CNNM1: variants seen among roughly 807,000 people sequenced by gnomAD.
CNNM1 encodes the protein cyclin and CBS domain divalent metal cation transport mediator 1, also known as metal transporter CNNM1.
A neutral mutation model predicts 78.8 loss-of-function variants in CNNM1; 44 were observed. The ratio of observed to expected loss-of-function variants is 0.56; its 90% CI spans 0.44 to 0.72. CNNM1 has a LOEUF of 0.72. Among genes scored for constraint, CNNM1 ranks in the 30% least tolerant of loss-of-function variants. The probability of loss-of-function intolerance (pLI) is 0.00; values close to 1 mark genes in which losing one functional copy is unlikely to be tolerated. For synonymous variants in CNNM1, 584 were observed against 581.5 expected, an observed-to-expected ratio of 1.00 and a Z score of -0.06; for missense variants, 1,101 against 1,292.2, an observed-to-expected ratio of 0.85 and a Z score of 2.27.
chr10:99,384,253 A>G (rs2032241953), intron 7 of CNNM1, among the ~76,000 whole-genome samples: 1 of 152,220 alleles, frequency 6.6e-6, no homozygotes, highest in Admixed American at 6.5e-5. Flanking sequence ...TGGGAGAGGC[A>G]GAGCAGAGTT....
intron 6 of CNNM1, among the ~76,000 whole-genome samples, chr10:99,370,545 A>T (rs1892511): frequency 0.9 from 137,014 of 152,204 alleles, 61,993 homozygotes; most frequent in African/African-American, 0.98. Context: ...TTTTGTTCCA[A>T]ATCATTAAAA....
At position 99,391,638 on chromosome 10, in the gene CNNM1, C is replaced by G; in HGVS notation, c.*122C>G. The G allele has an allele frequency of 2.6e-6, 2 of 783,298 alleles. No homozygotes were observed. The highest frequency in any genetic ancestry group is 5.9e-4 in the Middle Eastern group (2 of 3,370). 48.5% of individuals were successfully genotyped at this position (783,298 alleles called of 1,614,324 possible). ...GTGACAGAATGTTCTGCCTTCCCTT[C>G]CATCTCTTCACCCCTAGCTGTCAGT... On this transcript the variant is annotated 3_prime_UTR_variant, in exon 11 of 11. Transcript: ENST00000356713.
intron 1 of CNNM1, among the ~76,000 whole-genome samples, chr10:99,337,749 G>A (rs888047630): frequency 1.3e-5 from 2 of 152,156 alleles, no homozygotes; most frequent in African/African-American, 4.8e-5. Context: ...AGCAGCTAAC[G>A]ATGCATATGA....
At chr10:99,367,524 G>A (rs1306540322) in intron 6 of CNNM1, among the ~76,000 whole-genome samples, 1 of 151,996 alleles carries the variant, frequency 6.6e-6, no homozygotes, top group Non-Finnish European at 1.5e-5. Context: ...TGTCTGTTTG[G>A]TGTATACAAT....
At chr10:99,341,122 C>G (rs2030441665) in intron 1 of CNNM1, among the ~76,000 whole-genome samples, 1 of 152,180 alleles carries the variant, frequency 6.6e-6, no homozygotes, top group South Asian at 2.1e-4. Flanking sequence ...GGTAAAGAGA[C>G]TCTCCCTTGC....
At chr10:99,372,471 G>A (rs1327313818) in intron 6 of CNNM1, among the ~76,000 whole-genome samples, 4 of 152,140 alleles carry the variant, frequency 2.6e-5, no homozygotes, top group South Asian at 4.1e-4. Flanking sequence ...GACAGGTCCC[G>A]GGTTGGTGTC....
intron 1 of CNNM1, among the ~76,000 whole-genome samples, chr10:99,343,914 G>T (rs1243192760): frequency 2.0e-5 from 3 of 150,820 alleles, no homozygotes; most frequent in African/African-American, 7.3e-5. Context: ...GTAGAGATGG[G>T]GTTTCACCAT....
chr10:99,330,144 G>T lies in CNNM1; in HGVS notation c.757G>T (p.Glu253Ter). The change falls in exon 1 of 11, where the codon GAG becomes TAG. Residue 253 changes from glutamate (E) to a stop codon, truncating the protein, a stop_gained. Transcript: ENST00000356713. LOFTEE classifies it high-confidence loss of function. ...GAGCCTGCTGTCGCTGGACCCGGTG[G>T]AGTTACGGGTGCTGCGGAACAGCGG... Reference protein sequence around the residue: ...RLSLLSLDPVELRVLRNSGSA... With the variant: ...RLSLLSLDPV The T allele has an allele frequency of 6.5e-7, 1 of 1,545,602 alleles. No homozygotes were observed. Among genetic ancestry groups the T allele is most frequent in the Non-Finnish European group, 8.7e-7 (1 of 1,152,204 alleles).
intron 1 of CNNM1, among the ~76,000 whole-genome samples, chr10:99,353,601 A>G (rs945768664): frequency 3.9e-5 from 6 of 152,126 alleles, no homozygotes; most frequent in Non-Finnish European, 8.8e-5. Flanking sequence ...GCTCTTCAAG[A>G]CCAACCTTTC....
chr10:99,356,600 GAAAGA>G (rs201882984), intron 1 of CNNM1, among the ~76,000 whole-genome samples: 1 of 129,386 alleles, frequency 7.7e-6, no homozygotes, highest in African/African-American at 3.5e-5. Flanking sequence ...AAGAAAGAAA[GAAAGA>G]AAAGAAAGAA....
At chr10:99,362,555 G>A (rs1237947761) in intron 4 of CNNM1, among the ~76,000 whole-genome samples, 159 bp downstream of exon 4, 1 of 152,188 alleles carries the variant, frequency 6.6e-6, no homozygotes, top group Admixed American at 6.5e-5. Flanking sequence ...CACAGGAGGG[G>A]CCTAGACATG....
chr10:99,346,621 C>T (rs545910750), intron 1 of CNNM1, among the ~76,000 whole-genome samples: 1 of 152,312 alleles, frequency 6.6e-6, no homozygotes, highest in Admixed American at 6.5e-5. Context: ...TGCCACTGAA[C>T]ATCTCCACTT....
chr10:99,329,695 C>G lies in CNNM1; in HGVS notation c.308C>G (p.Ala103Gly). Reference sequence around the variant, plus strand: ...GGGGAGAATGGCACCGGCGACTGGGCTCCGCGGCTCGTGTTCATCGAGGAG... The same window carrying G: ...GGGGAGAATGGCACCGGCGACTGGGGTCCGCGGCTCGTGTTCATCGAGGAG... ...NSGENGTGDW[A>G]PRLVFIEEPP... Residue 103 changes from alanine to glycine, a missense_variant, in exon 1 of 11, where the codon GCT (alanine) becomes GGT (glycine). This residue lies in a region of CNNM1 where 476 missense variants were observed against 484.5 expected (regional missense o/e 0.98). Coordinates refer to ENST00000356713, the MANE Select transcript of CNNM1 (RefSeq NM_020348.3). 1 of 1,548,214 alleles carries G rather than the reference C, an allele frequency of 6.5e-7. No homozygotes were observed. The highest frequency in any genetic ancestry group is 8.6e-7 in the Non-Finnish European group (1 of 1,158,506).
chr10:99,334,228 A>G (rs2030060120), intron 1 of CNNM1, among the ~76,000 whole-genome samples: 1 of 152,270 alleles, frequency 6.6e-6, no homozygotes, highest in Non-Finnish European at 1.5e-5. Context: ...AATATAAGAC[A>G]TAATGAACAA....
chr10:99,359,436 C>T (rs949639875), intron 2 of CNNM1, among the ~76,000 whole-genome samples: 2 of 152,186 alleles, frequency 1.3e-5, no homozygotes, highest in African/African-American at 4.8e-5. Context: ...TGAAAAGGCC[C>T]AGAAGCCAGG....
intron 6 of CNNM1, among the ~76,000 whole-genome samples, chr10:99,376,665 A>G (rs902817686): frequency 6.6e-6 from 1 of 152,206 alleles, no homozygotes; most frequent in African/African-American, 2.4e-5. Context: ...TACTGCCCTC[A>G]TCTCGTTCGG....
At position 99,329,407 on chromosome 10, in the gene CNNM1, C is replaced by T; in HGVS notation, c.20C>T (p.Ala7Val). The T allele has an allele frequency of 4.6e-6, 4 of 872,616 alleles. No individual in the cohort carries two copies. The highest frequency in any genetic ancestry group is 3.4e-5 in the Admixed American group (1 of 29,192). 54.1% of individuals were successfully genotyped at this position (872,616 alleles called of 1,614,324 possible). A position where few individuals can be genotyped will look rare whatever the true frequency, so the allele number is the denominator to read the frequency against. MAAAAAAAAAVGVRLRD... is the reference protein window; with the variant it reads MAAAAAVAAAVGVRLRD... ...TGCAGGATGGCGGCGGCCGCGGCGGCGGCAGCAGCGGTGGGTGTCAGGCTC... is the reference window on the plus strand; with the variant it reads ...TGCAGGATGGCGGCGGCCGCGGCGGTGGCAGCAGCGGTGGGTGTCAGGCTC... The change falls in exon 1 of 11, where the codon GCG (alanine) becomes GTG (valine). Residue 7 changes from alanine to valine, a missense_variant. Physicochemically the swap from Ala to Val is moderately conservative, Grantham distance 64. This residue lies in a region of CNNM1 where 476 missense variants were observed against 484.5 expected (regional missense o/e 0.98). Coordinates refer to ENST00000356713, the MANE Select transcript of CNNM1 (RefSeq NM_020348.3).
At chr10:99,362,702 A>C (rs1460960813) in intron 4 of CNNM1, among the ~76,000 whole-genome samples, 1 of 152,144 alleles carries the variant, frequency 6.6e-6, no homozygotes, top group Non-Finnish European at 1.5e-5. Context: ...TGCGGAAGCT[A>C]TAATACCTCC....
At chr10:99,389,310 G>A (rs573882625) in intron 9 of CNNM1, among the ~76,000 whole-genome samples, 4 of 151,390 alleles carry the variant, frequency 2.6e-5, no homozygotes, top group Non-Finnish European at 4.4e-5. Context: ...CCAGCTACTC[G>A]GAAGGCTGAG....
Sources: allele counts gnomAD v4.1 joint callset (sites outside exome capture counted in the v4.1 genomes callset), GRCh38; gene constraint gnomAD v4.1.1; regional missense constraint gnomAD v4.1.1; transcripts MANE v1.5; gene names NCBI Gene and HGNC (gene_info 2026-07-23, HGNC 2026-07-21).